Variants in GAS6 observed in about 807,000 individuals in gnomAD.
GAS6 encodes the protein growth arrest specific 6.
In GAS6, 41 loss-of-function variants were observed where a neutral mutation model predicts 75.8. The ratio of observed to expected loss-of-function variants is 0.54; its 90% confidence interval spans 0.42 to 0.70. The LOEUF is 0.70. Among genes scored for constraint, GAS6 ranks in the 30% least tolerant of loss-of-function variants. GAS6 has a pLI of 0.00. For synonymous variants in GAS6, 432 were observed against 412.6 expected (o/e 1.05, Z -0.57); for missense variants, 854 against 940.2 (o/e 0.91, Z 1.20).
At chr13:113,842,934 G>C (rs183716000) in intron 4 of GAS6, 1 of 396,622 alleles carries the variant, frequency 2.5e-6, no homozygotes. Context: ...GCTCTTAAGC[G>C]GTCCCCAGAC....
intron 2 of GAS6, among the ~76,000 whole-genome samples, chr13:113,857,981 G>T (rs984408501): frequency 6.6e-6 from 1 of 152,252 alleles, no homozygotes; most frequent in Admixed American, 6.5e-5. Context: ...CCGGGCCGGG[G>T]TCCACCTGCA....
chr13:113,853,461 T>A (rs961740156), intron 2 of GAS6, among the ~76,000 whole-genome samples: 2 of 152,238 alleles, frequency 1.3e-5, no homozygotes, highest in African/African-American at 4.8e-5. Flanking sequence ...GCATAAATCT[T>A]TTTGTGTGAG....
At chr13:113,827,258 A>G (rs2051562972) in intron 11 of GAS6, 94 bp from the exon 12 acceptor site, 5 of 1,293,526 alleles carry the variant, frequency 3.9e-6, no homozygotes, top group Non-Finnish European at 5.5e-6. Flanking sequence ...CGGCCCTGGT[A>G]TGTGCAGCTC....
At chr13:113,827,636 G>C (rs926260961) in intron 11 of GAS6, among the ~76,000 whole-genome samples, 1 of 150,406 alleles carries the variant, frequency 6.6e-6, no homozygotes, top group African/African-American at 2.5e-5. Context: ...CAGGCAGTCT[G>C]TGGGCCTGGG....
intron 4 of GAS6, chr13:113,841,872 GT>G (rs1395758497): frequency 8.7e-5 from 8 of 92,474 alleles, no homozygotes; most frequent in Admixed American, 2.8e-4. Flanking sequence ...CATATGCCCA[GT>G]TTCCTCCATA....
intron 4 of GAS6, chr13:113,840,447 A>C (rs1193223785): frequency 6.5e-6 from 1 of 152,830 alleles, no homozygotes; most frequent in East Asian, 1.9e-4. Flanking sequence ...CAGCTCCTGC[A>C]GGGCCAGAGG....
Position 113,862,532 on chromosome 13 carries a change from G to A in GAS6, c.255+1043C>T, listed in dbSNP as rs569490106. On this transcript the variant is annotated intron_variant, in intron 2 of 14. Transcript: ENST00000327773. ...GACCAAGCTAGGCTGAGCTGAAGGA[G>A]GGCACGGGCCTGTGGGGCTGTGGGC... Among the ~76,000 whole-genome samples, 5 of 152,322 alleles carry A rather than the reference G, an allele frequency of 3.3e-5. No individual in the cohort carries two copies. The South Asian group carries it at 1.0e-3, about 32-fold the overall frequency.
At chr13:113,834,792 C>G in intron 7 of GAS6, 120 bp from the exon 8 acceptor site, 2 of 1,158,286 alleles carry the variant, frequency 1.7e-6, no homozygotes, top group Non-Finnish European at 2.2e-6. Context: ...CATGCAGATT[C>G]TAACGGGGGC....
intron 10 of GAS6, 100 bp downstream of exon 10, chr13:113,832,199 C>T (rs990830630): frequency 2.3e-6 from 3 of 1,331,392 alleles, no homozygotes; most frequent in Non-Finnish European, 3.1e-6. Context: ...GATGCAGGCC[C>T]CAGAGCTCAT....
chr13:113,850,778 GTGGA>G, intron 2 of GAS6, among the ~76,000 whole-genome samples: 1 of 152,204 alleles, frequency 6.6e-6, no homozygotes, highest in South Asian at 2.1e-4. Flanking sequence ...GAATGAGTGG[GTGGA>G]TGGATGGATG....
intron 12 of GAS6, 30 bp from the exon 13 acceptor site, chr13:113,823,580 G>GTAT (rs1338032368): frequency 5.1e-6 from 8 of 1,582,472 alleles, no homozygotes; most frequent in Non-Finnish European, 6.9e-6. Flanking sequence ...TTATAGGGTG[G>GTAT]TATGCACGGT....
In GAS6 at chr13:113,838,068, C is replaced by T; in HGVS notation, c.589+1G>A. On this transcript the variant is annotated splice_donor_variant, in intron 6 of 14. Transcript: ENST00000327773. LOFTEE classifies it high-confidence loss of function. ...AGAGAGGCCTCACCCCAGGGCCTTA[C>T]CTTGGCAGGTCCTGCCATCAGAGGA... 1.9e-6 allele frequency: 3 copies of T among 1,612,386 alleles called. No individual in the cohort carries two copies. The highest frequency in any genetic ancestry group is 2.5e-6 in the Non-Finnish European group (3 of 1,179,812).
chr13:113,863,716 G>T lies in GAS6; in HGVS notation c.114C>A (p.Ala38=). ...ALAALLPARE[A]TQFLRPRQRR... ...GCTGCCTGGGCCGCAGGAACTGCGT[G>T]GCCTCGCGCGCCGGCAACAGCGCGG... Residue 38 remains alanine (A), a synonymous_variant, in exon 2 of 15, where the codon GCC becomes GCA. Coordinates refer to ENST00000327773, the MANE Select transcript of GAS6 (RefSeq NM_000820.4). This position sits in a 1 kb window ranked among gnomAD's most constrained non-coding sequence, Gnocchi z 9.4. The T allele has an allele frequency of 6.7e-7, 1 of 1,503,282 alleles. No individual in the cohort carries two copies. Among genetic ancestry groups the T allele is most frequent in the Admixed American group, 2.2e-5 (1 of 46,332 alleles). 93.1% of individuals were successfully genotyped at this position (1,503,282 alleles called of 1,614,324 possible).
chr13:113,837,012 G>A lies in GAS6; in HGVS notation c.589+1057C>T, dbSNP rs1594199874. Among the ~76,000 whole-genome samples, 1 of 151,652 alleles carries A rather than the reference G, an allele frequency of 6.6e-6. No homozygotes were observed. The highest frequency in any genetic ancestry group is 2.4e-5 in the African/African-American group (1 of 41,214). On this transcript the variant is annotated intron_variant, in intron 6 of 14. Coordinates refer to ENST00000327773, the MANE Select transcript of GAS6 (RefSeq NM_000820.4). The surrounding 1 kb of genome is among the most constrained non-coding windows in gnomAD (Gnocchi z 5.1). ...AGCCTAGACTTTGCCGGGAGTGCCC[G>A]ACTGGTGCAGGGACCCACGGGAGAT...
chr13:113,822,969 A>C, intron 13 of GAS6: 2 of 161,852 alleles, frequency 1.2e-5, no homozygotes, highest in Non-Finnish European at 2.7e-5. Flanking sequence ...CCCCCACGGA[A>C]AGACGCTGTT....
chr13:113,842,930 A>C, intron 4 of GAS6: 2 of 396,706 alleles, frequency 5.0e-6, no homozygotes, highest in Non-Finnish European at 8.8e-6. Flanking sequence ...CCCAGCTCTT[A>C]AGCGGTCCCC....
In GAS6 at chr13:113,834,788, G is replaced by A. The variant is rs1283622129; in HGVS notation, c.713-116C>T. 2.5e-6 allele frequency: 3 copies of A among 1,177,912 alleles called. No homozygotes were observed. In the African/African-American group the frequency reaches 4.7e-5, roughly 18 times the overall value. 73.0% of individuals were successfully genotyped at this position (1,177,912 alleles called of 1,614,324 possible). On this transcript the variant is annotated intron_variant, in intron 7 of 14. Transcript: ENST00000327773. ...AGGTGCGCTCAAGGAATTACATGCA[G>A]ATTCTAACGGGGGCGGCTTGGGGGT...
chr13:113,847,181 G>A, intron 3 of GAS6: 1 of 292,044 alleles, frequency 3.4e-6, no homozygotes, highest in South Asian at 2.8e-5. Flanking sequence ...GCGCAGAACG[G>A]CACGGATGAA....
intron 5 of GAS6, 62 bp from the exon 6 acceptor site, chr13:113,838,253 A>G (rs1240230812): frequency 6.3e-7 from 1 of 1,596,544 alleles, no homozygotes; most frequent in African/African-American, 1.3e-5. Context: ...CTACGGTAGG[A>G]AGAGATCCCA....
Sources: allele counts gnomAD v4.1 joint callset (sites outside exome capture counted in the v4.1 genomes callset), GRCh38; gene constraint gnomAD v4.1.1; non-coding constraint Gnocchi (gnomAD v3.1); transcripts MANE v1.5; gene names NCBI Gene and HGNC (gene_info 2026-07-23, HGNC 2026-07-21).